IQGAP2: variants seen among roughly 807,000 people sequenced by gnomAD.
IQGAP2 encodes the protein IQ motif containing GTPase activating protein 2, also known as ras GTPase-activating-like protein IQGAP2.
A neutral mutation model predicts 201.3 loss-of-function variants in IQGAP2; 173 were observed. The ratio of observed to expected loss-of-function variants is 0.86; its 90% CI spans 0.76 to 0.98. IQGAP2 has a LOEUF of 0.98. Among genes scored for constraint, IQGAP2 ranks in the 50% least tolerant of loss-of-function variants. The pLI, the probability that IQGAP2 is intolerant of heterozygous loss-of-function variation, is 0.00. For synonymous variants in IQGAP2, 675 were observed against 673.9 expected, an observed-to-expected ratio of 1.00 and a Z score of -0.03; for missense variants, 1,687 against 1,864.8, an observed-to-expected ratio of 0.90 and a Z score of 1.76.
chr5:76,413,160 T>C lies in IQGAP2; in HGVS notation c.46+9569T>C, dbSNP rs1751223254. ...TTCTTTTTTCTTTTCTTTTCTCTTT[T>C]TTTTTTTTTTTTTTTTTTTTTTTTT... is the stretch of plus-strand genomic sequence containing the variant. On this transcript the variant is annotated intron_variant, in intron 1 of 35. Coordinates refer to ENST00000274364, the MANE Select transcript of IQGAP2 (RefSeq NM_006633.5). 8.1e-5 allele frequency among the ~76,000 whole-genome samples: 2 copies of C among 24,822 alleles called. 1 individual carries two copies. The highest frequency in any genetic ancestry group is 2.7e-3 in the East Asian group (2 of 742). 16.3% of individuals were successfully genotyped at this position (24,822 alleles called of 152,430 possible).
intron 5 of IQGAP2, among the ~76,000 whole-genome samples, chr5:76,582,756 A>G (rs1012750242): frequency 4.6e-5 from 7 of 151,866 alleles, no homozygotes; most frequent in Non-Finnish European, 1.0e-4. Flanking sequence ...TGTGACTAAG[A>G]TGGAAAAATT....
intron 30 of IQGAP2, among the ~76,000 whole-genome samples, chr5:76,692,595 G>A (rs1436704549): frequency 6.6e-6 from 1 of 152,120 alleles, no homozygotes; most frequent in Non-Finnish European, 1.5e-5. Context: ...GGAAGTGGTG[G>A]CCAATTGCCA....
At chr5:76,642,876 T>C (rs1751706272) in intron 17 of IQGAP2, among the ~76,000 whole-genome samples, 1 of 152,190 alleles carries the variant, frequency 6.6e-6, no homozygotes, top group Admixed American at 6.5e-5. Flanking sequence ...TGCAGCATGA[T>C]CAACATCCAG....
At chr5:76,566,484 A>T (rs1391187468) in intron 3 of IQGAP2, among the ~76,000 whole-genome samples, 1 of 152,170 alleles carries the variant, frequency 6.6e-6, no homozygotes, top group Non-Finnish European at 1.5e-5. Flanking sequence ...CAGTGGTGGA[A>T]GATGAGGCCA....
At chr5:76,650,605 A>G (rs1387835881) in intron 17 of IQGAP2, among the ~76,000 whole-genome samples, 1 of 152,234 alleles carries the variant, frequency 6.6e-6, no homozygotes, top group Non-Finnish European at 1.5e-5. Context: ...CATAGTCAGT[A>G]TATATGACCT....
At chr5:76,481,869 T>G (rs1402665787) in intron 2 of IQGAP2, among the ~76,000 whole-genome samples, 1 of 152,218 alleles carries the variant, frequency 6.6e-6, no homozygotes, top group African/African-American at 2.4e-5. Flanking sequence ...TTCTTGATCC[T>G]TAGTCTAACA....
intron 1 of IQGAP2, among the ~76,000 whole-genome samples, chr5:76,457,028 C>T (rs533101193): frequency 2.7e-4 from 41 of 152,116 alleles, no homozygotes; most frequent in Non-Finnish European, 5.0e-4. Context: ...CTTGCTTTGT[C>T]ACCCAGGCTG....
intron 2 of IQGAP2, among the ~76,000 whole-genome samples, chr5:76,541,396 A>G (rs1394887240): frequency 1.3e-5 from 2 of 152,280 alleles, no homozygotes; most frequent in African/African-American, 4.8e-5. Flanking sequence ...TTTGTATTGT[A>G]TGGATATATA....
chr5:76,693,535 T>C (rs1247701844), intron 31 of IQGAP2, 93 bp downstream of exon 31: 9 of 837,344 alleles, frequency 1.1e-5, no homozygotes, highest in Non-Finnish European at 1.8e-5. Context: ...AGAGAAACTG[T>C]ATCTGACATG....
chr5:76,496,768 T>TCTTTC (rs1561416658), intron 2 of IQGAP2, among the ~76,000 whole-genome samples: 4 of 118,180 alleles, frequency 3.4e-5, no homozygotes, highest in African/African-American at 1.7e-4. Context: ...TTTCTTTCTT[T>TCTTTC]CTTTCTTTCT....
chr5:76,656,346 TA>T (rs1270506968), intron 20 of IQGAP2, among the ~76,000 whole-genome samples: 1 of 152,142 alleles, frequency 6.6e-6, no homozygotes, highest in Non-Finnish European at 1.5e-5. Context: ...CGCACCCAGC[TA>T]ATTTTTTGTA....
At chr5:76,700,959 T>G (rs1747324945) in intron 33 of IQGAP2, 117 bp from the exon 34 acceptor site, 1 of 994,368 alleles carries the variant, frequency 1.0e-6, no homozygotes, top group African/African-American at 1.7e-5. Context: ...AAGTGTATAT[T>G]CAGCGCTCTG....
chr5:76,704,848 C>T (rs1419851729), intron 35 of IQGAP2, among the ~76,000 whole-genome samples: 1 of 152,126 alleles, frequency 6.6e-6, no homozygotes, highest in Non-Finnish European at 1.5e-5. Context: ...TGGCCAGGTC[C>T]TTACTGTGAG....
intron 2 of IQGAP2, among the ~76,000 whole-genome samples, chr5:76,483,840 G>A (rs997123204): frequency 3.3e-5 from 5 of 152,216 alleles, no homozygotes; most frequent in African/African-American, 1.2e-4. Flanking sequence ...GGGGGATGGG[G>A]AGAGGACTCT....
intron 27 of IQGAP2, among the ~76,000 whole-genome samples, chr5:76,675,692 C>T (rs1317186374): frequency 6.6e-6 from 1 of 152,178 alleles, no homozygotes; most frequent in Non-Finnish European, 1.5e-5. Context: ...CACTTGGAAA[C>T]TCATTTCTCA....
intron 2 of IQGAP2, among the ~76,000 whole-genome samples, chr5:76,506,042 G>T (rs556607815): frequency 6.6e-6 from 1 of 152,304 alleles, no homozygotes; most frequent in African/African-American, 2.4e-5. Context: ...GACACACCCT[G>T]TGCCTTGAAA....
At chr5:76,456,936 G>A (rs527564281) in intron 1 of IQGAP2, among the ~76,000 whole-genome samples, 2 of 151,974 alleles carry the variant, frequency 1.3e-5, no homozygotes, top group African/African-American at 4.8e-5. Context: ...AATAAATAAA[G>A]GTTAAATTTT....
At position 76,504,729 on chromosome 5, in the gene IQGAP2, G is replaced by A. The variant is rs541737050; in HGVS notation, c.146+43060G>A. Reference sequence around the variant, plus strand: ...AAATAACATATTTGGTCTCTTTCACGTCCTTATCATGTGAAGGACGCTCTC... The same window carrying A: ...AAATAACATATTTGGTCTCTTTCACATCCTTATCATGTGAAGGACGCTCTC... On this transcript the variant is annotated intron_variant, in intron 2 of 35. Coordinates refer to ENST00000274364, the MANE Select transcript of IQGAP2 (RefSeq NM_006633.5). Among the ~76,000 whole-genome samples, 43 of 152,120 alleles carry A rather than the reference G, an allele frequency of 2.8e-4. 1 individual carries two copies. The highest frequency in any genetic ancestry group is 3.4e-3 in the Middle Eastern group (1 of 294).
chr5:76,416,965 A>G (rs1751442334), intron 1 of IQGAP2, among the ~76,000 whole-genome samples: 1 of 151,858 alleles, frequency 6.6e-6, no homozygotes, highest in South Asian at 2.1e-4. Context: ...AGTAGATGGG[A>G]CCATAGGCAT....
Sources: gnomAD v4.1 joint callset for allele counts (sites outside exome capture counted in the v4.1 genomes callset) on GRCh38, gnomAD v4.1.1 for gene constraint, MANE v1.5 for transcripts, NCBI Gene and HGNC (gene_info 2026-07-23, HGNC 2026-07-21) for gene names.